LARP4: variants seen among roughly 807,000 people sequenced by gnomAD.
LARP4 encodes the protein La ribonucleoprotein 4.
A neutral mutation model predicts 92.9 loss-of-function variants in LARP4; 29 were observed. That is an observed-to-expected ratio of 0.31 (90% CI 0.23 to 0.43). The LOEUF is 0.43. LARP4 is among the 20% of genes least tolerant of loss of function. LARP4 has a pLI of 1.00. For missense variants in LARP4, 732 were observed against 860.0 expected, an observed-to-expected ratio of 0.85 and a Z score of 1.86; for synonymous variants, 279 against 284.1, an observed-to-expected ratio of 0.98 and a Z score of 0.18.
At chr12:50,448,824 C>T (rs370448122) in intron 8 of LARP4, among the ~76,000 whole-genome samples, 5 of 152,248 alleles carry the variant, frequency 3.3e-5, no homozygotes, top group African/African-American at 4.8e-5. Flanking sequence ...TGCACCCAGC[C>T]GAGATTCTTT....
At chr12:50,453,729 G>A in intron 9 of LARP4, 57 bp downstream of exon 9, 1 of 1,187,414 alleles carries the variant, frequency 8.4e-7, no homozygotes, top group Non-Finnish European at 1.2e-6. Context: ...GCTGAAATTT[G>A]AAGAAATCAG....
chr12:50,418,469 C>G (rs866437847), intron 1 of LARP4, among the ~76,000 whole-genome samples: 73 of 152,280 alleles, frequency 4.8e-4, no homozygotes, highest in African/African-American at 1.7e-3. Flanking sequence ...TATGAATTAG[C>G]TGTTCTGAGA....
At chr12:50,402,685 C>T (rs1041598055) in intron 1 of LARP4, 1 of 431,240 alleles carries the variant, frequency 2.3e-6, no homozygotes, top group African/African-American at 2.1e-5. Context: ...ATGACAAAAC[C>T]GAGCCCCAGA....
chr12:50,426,684 G>GT (rs1555232613), intron 1 of LARP4, among the ~76,000 whole-genome samples: 3 of 86,174 alleles, frequency 3.5e-5, no homozygotes, highest in Non-Finnish European at 6.2e-5. Context: ...TTATGTTTGG[G>GT]GTGTGTGTGT....
At chr12:50,455,788 T>A (rs1321110656) in intron 10 of LARP4, among the ~76,000 whole-genome samples, 3 of 152,158 alleles carry the variant, frequency 2.0e-5, no homozygotes, top group Non-Finnish European at 2.9e-5. Context: ...TAGAAAAATT[T>A]TACTACTAAA....
At chr12:50,454,454 A>G in intron 10 of LARP4, 37 bp downstream of exon 10, 2 of 1,440,350 alleles carry the variant, frequency 1.4e-6, no homozygotes, top group Non-Finnish European at 1.9e-6. Context: ...TATTTTAAAC[A>G]ATTCCTAATG....
chr12:50,424,621 G>A (rs1455556690), intron 1 of LARP4, among the ~76,000 whole-genome samples: 1 of 151,816 alleles, frequency 6.6e-6, no homozygotes, highest in Admixed American at 6.6e-5. Context: ...GCCTTCCAAA[G>A]TGCTGGGATT....
intron 6 of LARP4, among the ~76,000 whole-genome samples, chr12:50,438,505 G>A (rs1478754494): frequency 6.1e-5 from 8 of 131,236 alleles, no homozygotes; most frequent in African/African-American, 2.1e-4. Context: ...AAAAAAAAAA[G>A]GGATTAAGGA....
intron 1 of LARP4, among the ~76,000 whole-genome samples, chr12:50,425,006 A>G (rs76151912): frequency 0.11 from 16,502 of 151,846 alleles, 1,763 homozygotes; most frequent in East Asian, 0.45. Flanking sequence ...AATTTGCCCA[A>G]CGTGGTGCCG....
At chr12:50,441,792 T>C in intron 8 of LARP4, 149 bp downstream of exon 8, 1 of 643,614 alleles carries the variant, frequency 1.6e-6, no homozygotes, top group Non-Finnish European at 2.7e-6. Context: ...CTCACACCTG[T>C]GATCCCAGCA....
intron 14 of LARP4, among the ~76,000 whole-genome samples, 166 bp from the exon 15 acceptor site, chr12:50,473,833 G>A (rs1160013395): frequency 3.6e-5 from 4 of 112,256 alleles, no homozygotes; most frequent in South Asian, 2.9e-4. Context: ...TGGGGGGTGC[G>A]GGGCGGGCAG....
At chr12:50,402,349 T>A (rs949743784) in intron 1 of LARP4, among the ~76,000 whole-genome samples, 2 of 152,168 alleles carry the variant, frequency 1.3e-5, no homozygotes, top group Non-Finnish European at 2.9e-5. Flanking sequence ...AGACTTAAAA[T>A]TACTGAACTC....
In LARP4 at chr12:50,475,783, G is replaced by A; in HGVS notation, c.2094G>A (p.Gln698=). The part of the protein sequence containing the change: ...AAGKIREQRR[Q]FSHRAIPQGV... ...GAAAAATCAGGGAACAGAGACGCCA[G>A]TTTAGCCATAGGGCTATACCTCAGG... Residue 698 remains glutamine, a synonymous_variant, in exon 16 of 16, where the codon CAG becomes CAA. Transcript: ENST00000398473. The A allele has an allele frequency of 1.2e-6, 2 of 1,614,168 alleles. No individual in the cohort carries two copies. The highest frequency in any genetic ancestry group is 2.2e-5 in the East Asian group (1 of 44,876).
intron 10 of LARP4, chr12:50,454,645 A>T (rs1270598252): frequency 2.8e-6 from 1 of 363,152 alleles, no homozygotes; most frequent in Admixed American, 4.3e-5. Flanking sequence ...TTTTTTTAAT[A>T]ATAAAAGAGA....
Position 50,437,772 on chromosome 12 carries a change from A to G in LARP4, c.573A>G (p.Lys191=). The G allele has an allele frequency of 6.2e-7, 1 of 1,612,304 alleles. No individual in the cohort carries two copies. The highest frequency in any genetic ancestry group is 8.5e-7 in the Non-Finnish European group (1 of 1,178,662). Reference sequence around the variant, plus strand: ...TACAAGTTGATGAGAAGGGTGAGAAAGTGAGACCAAGTCATAAGCGTTGTA... The same window carrying G: ...TACAAGTTGATGAGAAGGGTGAGAAGGTGAGACCAAGTCATAAGCGTTGTA... ...PMVQVDEKGE[K]VRPSHKRCIV... The change falls in exon 6 of 16, where the codon AAA becomes AAG. Residue 191 remains lysine (K), a synonymous_variant. Coordinates refer to ENST00000398473, the MANE Select transcript of LARP4 (RefSeq NM_052879.5).
Position 50,474,648 on chromosome 12 carries a change from A to C in LARP4, c.1836+481A>C, listed in dbSNP as rs189281179. On this transcript the variant is annotated intron_variant, in intron 15 of 15. Coordinates refer to ENST00000398473, the MANE Select transcript of LARP4 (RefSeq NM_052879.5). ...ATGCGTGAGCCACCGCGCCTGGCCCATTCTGTTTCTTTTGATTGCTTTTTT... is the reference window on the plus strand; with the variant it reads ...ATGCGTGAGCCACCGCGCCTGGCCCCTTCTGTTTCTTTTGATTGCTTTTTT... Among the ~76,000 whole-genome samples the C allele has an allele frequency of 2.6e-5, 4 of 152,198 alleles. No homozygotes were observed. In the East Asian group the frequency reaches 7.7e-4, roughly 29 times the overall value.
At chr12:50,465,476 T>A (rs1281256973) in intron 12 of LARP4, among the ~76,000 whole-genome samples, 1 of 152,144 alleles carries the variant, frequency 6.6e-6, no homozygotes, top group African/African-American at 2.4e-5. Flanking sequence ...AGGCATGACT[T>A]CCAGTAGGTA....
At chr12:50,468,198 T>C (rs1956416356) in intron 13 of LARP4, among the ~76,000 whole-genome samples, 1 of 152,174 alleles carries the variant, frequency 6.6e-6, no homozygotes, top group African/African-American at 2.4e-5. Flanking sequence ...CAGGCTGGTC[T>C]CAAACTCCTG....
rs1957622390 is a variant in LARP4, at chr12:50,477,568, A to C, written c.*1704A>C. 2 of 152,572 alleles carry C rather than the reference A, an allele frequency of 1.3e-5. No homozygotes were observed. Among genetic ancestry groups the C allele is most frequent in the African/African-American group, 4.8e-5 (2 of 41,452 alleles). 9.5% of individuals were successfully genotyped at this position (152,572 alleles called of 1,614,324 possible). A position where few individuals can be genotyped will look rare whatever the true frequency, so the allele number is the denominator to read the frequency against. ...CTTCCAACTCTAAGTTAAGCTTTGG[A>C]GATACATGTTAGTGGTTAACTGTTA... On this transcript the variant is annotated 3_prime_UTR_variant, in exon 16 of 16. Transcript: ENST00000398473.
Sources: allele counts gnomAD v4.1 joint callset (sites outside exome capture counted in the v4.1 genomes callset), GRCh38; gene constraint gnomAD v4.1.1; transcripts MANE v1.5; gene names NCBI Gene and HGNC (gene_info 2026-07-23, HGNC 2026-07-21).